The following SYNPO2 variants were observed in gnomAD, a reference collection of about 807,000 sequenced individuals.
SYNPO2 encodes the protein synaptopodin 2, also known as synaptopodin-2.
SYNPO2 carries 56 observed loss-of-function variants against 85.0 expected under a neutral mutation model. That is an observed-to-expected ratio of 0.66 (90% CI 0.53 to 0.82). The LOEUF (loss-of-function observed/expected upper bound fraction) is 0.82. Among genes scored for constraint, SYNPO2 ranks in the 40% least tolerant of loss-of-function variants. The probability of loss-of-function intolerance (pLI) is 0.00; values close to 1 mark genes in which losing one functional copy is unlikely to be tolerated. For missense variants in SYNPO2, 1,575 were observed against 1,534.2 expected (o/e 1.03, Z -0.44); for synonymous variants, 602 against 591.1 (o/e 1.02, Z -0.27).
intron 1 of SYNPO2, among the ~76,000 whole-genome samples, chr4:119,009,554 T>G: frequency 6.6e-6 from 1 of 152,074 alleles, no homozygotes; most frequent in Admixed American, 6.6e-5. Context: ...ACATAATTGA[T>G]TGCCCCCCAA....
chr4:118,900,703 C>CTCTCTCTCTCTCTA (rs1277981772), intron 1 of SYNPO2, among the ~76,000 whole-genome samples: 22 of 43,894 alleles, frequency 5.0e-4, no homozygotes, highest in South Asian at 9.6e-4. Flanking sequence ...CTCTCTCTCT[C>CTCTCTCTCTCTCTA]TATATATATA....
At chr4:118,881,808 G>A (rs1373383710) in intron 1 of SYNPO2, among the ~76,000 whole-genome samples, 1 of 152,194 alleles carries the variant, frequency 6.6e-6, no homozygotes, top group African/African-American at 2.4e-5. Context: ...ATGCTACCGA[G>A]CACCACCCCA....
chr4:119,014,427 T>A (rs2149180810), intron 1 of SYNPO2, among the ~76,000 whole-genome samples: 1 of 152,156 alleles, frequency 6.6e-6, no homozygotes, highest in South Asian at 2.1e-4. Context: ...AATAAATAAA[T>A]AAATAAATAG....
At chr4:119,002,840 A>C (rs1239768960) in intron 1 of SYNPO2, among the ~76,000 whole-genome samples, 1 of 95,744 alleles carries the variant, frequency 1.0e-5, no homozygotes, top group Non-Finnish European at 2.3e-5. Flanking sequence ...TTGATAATTT[A>C]TCTGGGTATA....
chr4:118,944,275 A>G (rs1303270870), intron 1 of SYNPO2, among the ~76,000 whole-genome samples: 1 of 152,126 alleles, frequency 6.6e-6, no homozygotes, highest in Non-Finnish European at 1.5e-5. Context: ...TAGACTACCA[A>G]TTCATTGCAG....
At chr4:119,043,937 CAAAAAAAAAAAAAAAA>C (rs34238900) in intron 4 of SYNPO2, 6 of 67,872 alleles carry the variant, frequency 8.8e-5, no homozygotes, top group African/African-American at 3.7e-4. Context: ...GACTCCGTCT[CAAAAAAAAAAAAAAAA>C]AAAAAAAAAA....
At chr4:119,016,775 G>A (rs1176706042) in intron 1 of SYNPO2, among the ~76,000 whole-genome samples, 4 of 152,290 alleles carry the variant, frequency 2.6e-5, no homozygotes, top group Non-Finnish European at 5.9e-5. Flanking sequence ...TTTGTACTTA[G>A]TTTTCTAGCA....
At chr4:119,017,505 C>CA (rs1260951248) in intron 1 of SYNPO2, among the ~76,000 whole-genome samples, 1 of 150,810 alleles carries the variant, frequency 6.6e-6, no homozygotes, top group African/African-American at 2.4e-5. Context: ...CGGGAGCTTC[C>CA]AAAAGAACTA....
chr4:118,887,329 G>A (rs1732220121), upstream of SYNPO2, among the ~76,000 whole-genome samples: 2 of 152,116 alleles, frequency 1.3e-5, no homozygotes, highest in African/African-American at 2.4e-5. Context: ...AGGAATGAAT[G>A]TATGGATGCA....
At position 119,008,684 on chromosome 4, in the gene SYNPO2, C is replaced by T. The variant is rs540537972; in HGVS notation, c.106-14746C>T. On this transcript the variant is annotated intron_variant, in intron 1 of 4. Transcript: ENST00000307142. ...AATTTTTAAGATTATAAAAGTTCAT[C>T]TCAAGAAATTAACATTTATTTCCTT... 5.3e-5 allele frequency among the ~76,000 whole-genome samples: 8 copies of T among 152,142 alleles called. No homozygotes were observed. The South Asian group carries it at 1.7e-3, about 32-fold the overall frequency.
Position 119,058,092 on chromosome 4 carries a change from GTGTGTA to G in SYNPO2, c.*162_*167del. On this transcript the variant is annotated 3_prime_UTR_variant, in exon 5 of 5. Coordinates refer to ENST00000307142, the MANE Select transcript of SYNPO2 (RefSeq NM_133477.3). ...TTTGTGTTTCTGTGTGTGTGTGTGTGTGTGTATGTATGTGAATATACACACACACAC... is the reference window on the plus strand; with the variant it reads ...TTTGTGTTTCTGTGTGTGTGTGTGTGTGTATGTGAATATACACACACACAC... The G allele has an allele frequency of 1.5e-6, 1 of 662,186 alleles. No individual in the cohort carries two copies. The allele number at this position is 662,186 out of a possible 1,614,324, so 41.0% of individuals were successfully genotyped here.
intron 4 of SYNPO2, among the ~76,000 whole-genome samples, chr4:119,050,269 T>C (rs1010056269): frequency 4.0e-5 from 6 of 151,656 alleles, no homozygotes; most frequent in Admixed American, 2.6e-4. Context: ...GAGGCAGAGG[T>C]TGCAGTGAGC....
At chr4:119,000,935 G>T (rs533293733) in intron 1 of SYNPO2, among the ~76,000 whole-genome samples, 8 of 152,230 alleles carry the variant, frequency 5.3e-5, no homozygotes, top group Admixed American at 1.3e-4. Flanking sequence ...ATTCACTGGG[G>T]CACAAATCTA....
At chr4:119,046,296 CTT>C (rs1037715181) in intron 4 of SYNPO2, among the ~76,000 whole-genome samples, 1 of 151,984 alleles carries the variant, frequency 6.6e-6, no homozygotes, top group African/African-American at 2.4e-5. Flanking sequence ...TGTATCATTA[CTT>C]TTATTCTTTT....
intron 1 of SYNPO2, among the ~76,000 whole-genome samples, chr4:118,905,200 A>G (rs1257655615): frequency 6.6e-6 from 1 of 152,122 alleles, no homozygotes; most frequent in Non-Finnish European, 1.5e-5. Flanking sequence ...CCATCATGTT[A>G]TTTATTCCAT....
At chr4:119,029,507 T>C (rs899702009) in intron 3 of SYNPO2, among the ~76,000 whole-genome samples, 1 of 152,180 alleles carries the variant, frequency 6.6e-6, no homozygotes, top group Non-Finnish European at 1.5e-5. Context: ...AATTATGTCC[T>C]TCTTAATTCT....
At chr4:118,900,060 C>G (rs1258365924) in intron 1 of SYNPO2, among the ~76,000 whole-genome samples, 1 of 152,172 alleles carries the variant, frequency 6.6e-6, no homozygotes, top group East Asian at 1.9e-4. Context: ...CCGCACCCGG[C>G]CTGCTGTACT....
At chr4:118,968,635 T>A (rs1735405228) in intron 1 of SYNPO2, among the ~76,000 whole-genome samples, 1 of 152,222 alleles carries the variant, frequency 6.6e-6, no homozygotes, top group South Asian at 2.1e-4. Flanking sequence ...TGTGTGGGTT[T>A]GCAGAGGTTA....
chr4:118,958,016 T>C (rs1160603967), intron 1 of SYNPO2, among the ~76,000 whole-genome samples: 1 of 152,194 alleles, frequency 6.6e-6, no homozygotes, highest in Non-Finnish European at 1.5e-5. Flanking sequence ...GCTAATTCTC[T>C]AGACACATAA....
Sources: allele counts gnomAD v4.1 joint callset (sites outside exome capture counted in the v4.1 genomes callset), GRCh38; gene constraint gnomAD v4.1.1; transcripts MANE v1.5; gene names NCBI Gene and HGNC (gene_info 2026-07-23, HGNC 2026-07-21).